Variants in CCT4 observed in about 807,000 individuals in gnomAD.
CCT4 encodes the protein T-complex protein 1 subunit delta.
A neutral mutation model predicts 62.5 loss-of-function variants in CCT4; 17 were observed. The observed-to-expected ratio is 0.27, with a 90% CI of 0.19 to 0.41. The LOEUF is 0.41. Ranked by LOEUF, CCT4 falls within the 10% of genes least tolerant of loss-of-function variation. The pLI is 1.00. For synonymous variants in CCT4, 250 were observed against 229.9 expected (o/e 1.09, Z -0.79); for missense variants, 592 against 659.2 (o/e 0.90, Z 1.12).
rs1210876897 is a variant in CCT4, at chr2:61,877,467, T to C, written c.570A>G (p.Ala190=). 4 of 1,609,750 alleles carry C rather than the reference T, an allele frequency of 2.5e-6. No individual in the cohort carries two copies. The highest frequency in any genetic ancestry group is 3.3e-5 in the Admixed American group (2 of 59,824). The change falls in exon 6 of 14, where the codon GCA becomes GCG. Residue 190 remains alanine, a synonymous_variant. Coordinates refer to ENST00000394440, the MANE Select transcript of CCT4 (RefSeq NM_006430.4). ...TGGCTGGGTCAATCACTTTCATCAC[T>C]GCATTTACACTCATTGGAGAAAGCA... ...SSLLSPMSVN[A]VMKVIDPATA...
chr2:61,875,405 C>T (rs1450267265), intron 8 of CCT4, among the ~76,000 whole-genome samples: 1 of 151,136 alleles, frequency 6.6e-6, no homozygotes, highest in Non-Finnish European at 1.5e-5. Flanking sequence ...GGTAAAACCC[C>T]ATCTCTACTC....
Position 61,888,636 on chromosome 2 carries a change from G to C in CCT4, c.-129C>G, listed in dbSNP as rs547525529. The C allele has an allele frequency of 3.5e-4, 395 of 1,130,876 alleles. 2 individuals carry two copies. The highest frequency in any genetic ancestry group is 6.0e-4 in the Middle Eastern group (2 of 3,306). The allele number at this position is 1,130,876 out of a possible 1,614,324, so 70.1% of individuals were successfully genotyped here. ...TTCCAGAAAGCGGCGCCGGCGTCGGGAGGAGGCGGAGGCGGAGAAGGGGGC... is the reference window on the plus strand; with the variant it reads ...TTCCAGAAAGCGGCGCCGGCGTCGGCAGGAGGCGGAGGCGGAGAAGGGGGC... On this transcript the variant is annotated 5_prime_UTR_variant, in exon 1 of 14. Coordinates refer to ENST00000394440, the MANE Select transcript of CCT4 (RefSeq NM_006430.4).
intron 3 of CCT4, among the ~76,000 whole-genome samples, chr2:61,880,894 G>A (rs2105136711): frequency 6.6e-6 from 1 of 151,890 alleles, no homozygotes; most frequent in African/African-American, 2.4e-5. Flanking sequence ...AGTCTTTTTT[G>A]TTCGTTTGTT....
At chr2:61,879,382 C>T (rs542017845) in intron 4 of CCT4, among the ~76,000 whole-genome samples, 1 of 150,648 alleles carries the variant, frequency 6.6e-6, no homozygotes, top group Non-Finnish European at 1.5e-5. Context: ...CCACCTCAGC[C>T]TCCTGAGTAG....
At chr2:61,877,554 AG>A in intron 5 of CCT4, 40 bp from the exon 6 acceptor site, 1 of 1,459,180 alleles carries the variant, frequency 6.9e-7, no homozygotes, top group East Asian at 2.4e-5. Context: ...CCTTCACAGT[AG>A]AAAAAAGTCC....
intron 13 of CCT4, among the ~76,000 whole-genome samples, chr2:61,869,041 C>T (rs1668829538): frequency 6.8e-6 from 1 of 147,242 alleles, no homozygotes; most frequent in Non-Finnish European, 1.5e-5. Context: ...AGGTGGGAGA[C>T]TGAGGCAAGA....
chr2:61,873,286 G>C lies in CCT4; in HGVS notation c.925C>G (p.Leu309Val), dbSNP rs1233806587. ...LIQKSILRDA[L>V]SDLALHFLNK... The stretch of plus-strand genomic sequence containing the variant: ...AGAAAGTGTAATGCAAGATCACTAA[G>C]AGCATCTCTAAAATACAAAATCAGT... Residue 309 changes from leucine to valine, a missense_variant, in exon 9 of 14, where the codon CTT becomes GTT. Leu to Val is a conservative substitution (Grantham distance 32). Coordinates refer to ENST00000394440, the MANE Select transcript of CCT4 (RefSeq NM_006430.4). 9 of 1,532,338 alleles carry C rather than the reference G, an allele frequency of 5.9e-6. No individual in the cohort carries two copies. The highest frequency in any genetic ancestry group is 5.6e-5 in the South Asian group (5 of 88,756). 94.9% of individuals were successfully genotyped at this position (1,532,338 alleles called of 1,614,324 possible).
At chr2:61,875,890 C>T (rs1312120410) in intron 8 of CCT4, among the ~76,000 whole-genome samples, 1 of 152,110 alleles carries the variant, frequency 6.6e-6, no homozygotes, top group African/African-American at 2.4e-5. Context: ...TTGGTCTGAG[C>T]AAATGATGGT....
intron 12 of CCT4, among the ~76,000 whole-genome samples, chr2:61,870,278 A>G (rs1002901427): frequency 1.3e-5 from 2 of 151,906 alleles, no homozygotes; most frequent in African/African-American, 4.8e-5. Context: ...CTGTCTCAAA[A>G]AAACAAAACA....
chr2:61,872,202 A>G lies in CCT4; in HGVS notation c.1371T>C (p.Ala457=), dbSNP rs755842525. Residue 457 remains alanine (A), a synonymous_variant, in exon 12 of 14, where the codon GCT becomes GCC. Transcript: ENST00000394440. Reference sequence around the variant, plus strand: ...CTAGTGTAGATGGAATGACCTCCATAGCATCTGCAAAAGCACGAACGCAGT... The same window carrying G: ...CTAGTGTAGATGGAATGACCTCCATGGCATCTGCAAAAGCACGAACGCAGT... ...ESYCVRAFAD[A]MEVIPSTLAE... 3.7e-6 allele frequency: 6 copies of G among 1,613,652 alleles called. No individual in the cohort carries two copies. In the East Asian group the frequency reaches 1.1e-4, roughly 30 times the overall value.
intron 2 of CCT4, among the ~76,000 whole-genome samples, chr2:61,883,797 C>G (rs1452582848): frequency 4.6e-5 from 7 of 151,438 alleles, no homozygotes; most frequent in Admixed American, 3.3e-4. Context: ...CACACACACA[C>G]ACACACACAC....
At chr2:61,869,600 C>T (rs767919180) in intron 12 of CCT4, 47 bp from the exon 13 acceptor site, 8 of 1,015,284 alleles carry the variant, frequency 7.9e-6, no homozygotes, top group East Asian at 2.4e-5. Context: ...TGTGATAATA[C>T]ACATCAGCAG....
In CCT4 at chr2:61,888,631, G is replaced by A. The variant is rs377594655; in HGVS notation, c.-124C>T. The A allele has an allele frequency of 1.4e-5, 17 of 1,207,000 alleles. No individual in the cohort carries two copies. The highest frequency in any genetic ancestry group is 5.5e-5 in the East Asian group (2 of 36,606). The allele number at this position is 1,207,000 out of a possible 1,614,324, so 74.8% of individuals were successfully genotyped here. On this transcript the variant is annotated 5_prime_UTR_variant, in exon 1 of 14. The change creates a new upstream start codon in the 5' untranslated region. Coordinates refer to ENST00000394440, the MANE Select transcript of CCT4 (RefSeq NM_006430.4). Reference sequence around the variant, plus strand: ...GAACCTTCCAGAAAGCGGCGCCGGCGTCGGGAGGAGGCGGAGGCGGAGAAG... The same window carrying A: ...GAACCTTCCAGAAAGCGGCGCCGGCATCGGGAGGAGGCGGAGGCGGAGAAG...
Position 61,873,215 on chromosome 2 carries a change from G to C in CCT4, c.996C>G (p.Asp332Glu), listed in dbSNP as rs1209660345. Reference sequence around the variant, plus strand: ...GTTTTACCTTACAAATGAATTCAATGTCTTCTCTTTCAATATCCTTAATCA... The same window carrying C: ...GTTTTACCTTACAAATGAATTCAATCTCTTCTCTTTCAATATCCTTAATCA... ...IMVIKDIERE[D>E]IEFICKTIGT... is the part of the protein sequence containing the mutation. Residue 332 changes from aspartate to glutamate, a missense_variant, in exon 9 of 14, where the codon GAC becomes GAG. Transcript: ENST00000394440. 6.7e-7 allele frequency: 1 copy of C among 1,500,350 alleles called. No individual in the cohort carries two copies. Among genetic ancestry groups the C allele is most frequent in the African/African-American group, 1.4e-5 (1 of 72,332 alleles). 92.9% of individuals were successfully genotyped at this position (1,500,350 alleles called of 1,614,324 possible). A position where few individuals can be genotyped will look rare whatever the true frequency, so the allele number is the denominator to read the frequency against.
rs1352280203 is a variant in CCT4, at chr2:61,869,532, C to T, written c.1513G>A (p.Glu505Lys). 2 of 1,608,692 alleles carry T rather than the reference C, an allele frequency of 1.2e-6. No homozygotes were observed. Among genetic ancestry groups the T allele is most frequent in the African/African-American group, 1.3e-5 (1 of 74,800 alleles). ...AACAGAGGCTGGACAACCAGTTCCT[C>T]CAAAATGTTGGAAATACCACCCTGC... ...VRKGGISNIL[E>K]ELVVQPLLVS... The change falls in exon 13 of 14, where the codon GAG becomes AAG. Residue 505 changes from glutamate (E) to lysine (K), a missense_variant. Physicochemically the swap from Glu to Lys is moderately conservative, Grantham distance 56. Coordinates refer to ENST00000394440, the MANE Select transcript of CCT4 (RefSeq NM_006430.4).
chr2:61,870,327 G>T (rs1668857729), intron 12 of CCT4, among the ~76,000 whole-genome samples: 1 of 152,074 alleles, frequency 6.6e-6, no homozygotes, highest in Non-Finnish European at 1.5e-5. Context: ...AATCATCTCT[G>T]AATTTTAATT....
In CCT4 at chr2:61,880,124, T is replaced by C. The variant is rs191434307; in HGVS notation, c.379+162A>G. Among the ~76,000 whole-genome samples the C allele has an allele frequency of 4.2e-4, 64 of 152,380 alleles. 1 individual carries two copies. Among genetic ancestry groups the C allele is most frequent in the African/African-American group, 1.3e-3 (53 of 41,596 alleles). On this transcript the variant is annotated intron_variant, in intron 4 of 13. Transcript: ENST00000394440. The stretch of plus-strand genomic sequence containing the variant: ...GCCAAGGAAAATTTCTTCTAATCTC[T>C]ATTATAAATATAGCAAAATCTAACT...
At chr2:61,886,691 G>A (rs1385573282) in intron 1 of CCT4, among the ~76,000 whole-genome samples, 4 of 151,844 alleles carry the variant, frequency 2.6e-5, no homozygotes, top group Admixed American at 6.6e-5. Context: ...TGTTTCAAAG[G>A]TTGCTAAATT....
intron 13 of CCT4, chr2:61,868,997 T>C (rs1668828783): frequency 2.8e-6 from 1 of 362,938 alleles, no homozygotes; most frequent in Admixed American, 3.8e-5. Context: ...TAGCTGGGTG[T>C]GGTGGCACAT....
Sources: allele counts gnomAD v4.1 joint callset (sites outside exome capture counted in the v4.1 genomes callset), GRCh38; gene constraint gnomAD v4.1.1; transcripts MANE v1.5; gene names NCBI Gene and HGNC (gene_info 2026-07-23, HGNC 2026-07-21).